The following PPFIA1 variants were observed in gnomAD, a reference collection of about 807,000 sequenced individuals.
PPFIA1 encodes the protein liprin-alpha-1.
PPFIA1 carries 25 observed loss-of-function variants against 149.9 expected under a neutral mutation model. That is an observed-to-expected ratio of 0.17 (90% CI 0.12 to 0.23). The LOEUF is 0.23. PPFIA1 is among the 10% of genes least tolerant of loss of function. PPFIA1 has a pLI of 1.00. For synonymous variants in PPFIA1, 549 were observed against 552.8 expected, an observed-to-expected ratio of 0.99 and a Z score of 0.10; for missense variants, 1,362 against 1,506.5, an observed-to-expected ratio of 0.90 and a Z score of 1.59.
At chr11:70,300,606 C>T (rs1403017514) in intron 2 of PPFIA1, among the ~76,000 whole-genome samples, 1 of 151,018 alleles carries the variant, frequency 6.6e-6, no homozygotes, top group Non-Finnish European at 1.5e-5. Context: ...GTGATCTCGG[C>T]CCTCTGCCAG....
At chr11:70,380,667 A>C (rs1466987942) in intron 26 of PPFIA1, among the ~76,000 whole-genome samples, 1 of 150,976 alleles carries the variant, frequency 6.6e-6, no homozygotes, top group Non-Finnish European at 1.5e-5. Context: ...CCTGGGAGGC[A>C]GAGGTTGCAG....
intron 2 of PPFIA1, among the ~76,000 whole-genome samples, chr11:70,285,009 A>G (rs2051012104): frequency 6.6e-6 from 1 of 151,978 alleles, no homozygotes; most frequent in African/African-American, 2.4e-5. Flanking sequence ...TTATTTATTT[A>G]TGTATTTCTT....
chr11:70,351,080 C>T, intron 16 of PPFIA1: 1 of 954,452 alleles, frequency 1.0e-6, no homozygotes, highest in Non-Finnish European at 1.4e-6. Flanking sequence ...TTGAAGAGTA[C>T]CTATCATATT....
At chr11:70,278,358 T>G (rs2050544732) in intron 2 of PPFIA1, among the ~76,000 whole-genome samples, 1 of 152,198 alleles carries the variant, frequency 6.6e-6, no homozygotes, top group Non-Finnish European at 1.5e-5. Context: ...TGAAGGATGA[T>G]TTTGCTGGGT....
intron 15 of PPFIA1, among the ~76,000 whole-genome samples, chr11:70,347,904 G>C (rs1325825103): frequency 1.3e-5 from 2 of 152,220 alleles, no homozygotes; most frequent in Non-Finnish European, 2.9e-5. Flanking sequence ...TCAGGAGGCT[G>C]AGGCAGGAGA....
intron 2 of PPFIA1, among the ~76,000 whole-genome samples, chr11:70,314,111 G>T (rs2053452205): frequency 6.6e-6 from 1 of 152,236 alleles, no homozygotes; most frequent in South Asian, 2.1e-4. Context: ...ACACTGCATA[G>T]GGTGAGCAGC....
chr11:70,354,588 T>C (rs2056255132), intron 17 of PPFIA1, 136 bp downstream of exon 17: 1 of 990,752 alleles, frequency 1.0e-6, no homozygotes, highest in Admixed American at 2.9e-5. Context: ...TGTATTTACA[T>C]GTTACACTTA....
intron 2 of PPFIA1, among the ~76,000 whole-genome samples, chr11:70,284,751 G>A (rs910217884): frequency 6.6e-6 from 1 of 152,140 alleles, no homozygotes; most frequent in South Asian, 2.1e-4. Context: ...CTTGAGCAAA[G>A]GCCAGAGCAA....
intron 4 of PPFIA1, 147 bp downstream of exon 4, chr11:70,325,158 A>C: frequency 1.3e-6 from 1 of 744,066 alleles, no homozygotes; most frequent in East Asian, 3.0e-5. Flanking sequence ...AGGTTTAAAA[A>C]GTACTAATTG....
At chr11:70,368,508 G>C (rs1488637957) in intron 21 of PPFIA1, among the ~76,000 whole-genome samples, 1 of 152,102 alleles carries the variant, frequency 6.6e-6, no homozygotes, top group Non-Finnish European at 1.5e-5. Context: ...CAGACTTCAG[G>C]TACCTCGGGT....
intron 2 of PPFIA1, among the ~76,000 whole-genome samples, chr11:70,302,154 A>AG (rs1565366611): frequency 6.6e-6 from 1 of 152,144 alleles, no homozygotes; most frequent in Admixed American, 6.5e-5. Context: ...TTCCCAGAGG[A>AG]GGGGGAATGG....
chr11:70,316,727 C>T lies in PPFIA1; in HGVS notation c.265-7675C>T, dbSNP rs529681254. The stretch of plus-strand genomic sequence containing the variant: ...GGCTCTGCTGCCCCTTTTCCACTGG[C>T]GATAGGGCTACTTCAAGCCATCGGA... On this transcript the variant is annotated intron_variant, in intron 2 of 27. Coordinates refer to ENST00000253925, the MANE Select transcript of PPFIA1 (RefSeq NM_003626.5). Among the ~76,000 whole-genome samples the T allele has an allele frequency of 2.6e-5, 4 of 152,316 alleles. No individual in the cohort carries two copies. In the South Asian group the frequency reaches 6.2e-4, roughly 24 times the overall value.
intron 2 of PPFIA1, among the ~76,000 whole-genome samples, chr11:70,276,423 T>G (rs1209299372): frequency 6.6e-6 from 1 of 152,174 alleles, no homozygotes; most frequent in African/African-American, 2.4e-5. Flanking sequence ...TGGATTATAT[T>G]TGGTAGTATT....
chr11:70,316,229 G>A (rs866465544), intron 2 of PPFIA1, among the ~76,000 whole-genome samples: 1 of 151,970 alleles, frequency 6.6e-6, no homozygotes, highest in African/African-American at 2.4e-5. Context: ...GCACCACCAC[G>A]CCTGGCTAAT....
chr11:70,356,759 A>T (rs1187829004), intron 19 of PPFIA1, among the ~76,000 whole-genome samples: 1 of 152,194 alleles, frequency 6.6e-6, no homozygotes, highest in Non-Finnish European at 1.5e-5. Context: ...AGCATTCAGG[A>T]TTTGCTCTTC....
At chr11:70,345,962 C>T (rs1483725604) in intron 15 of PPFIA1, 7 of 455,102 alleles carry the variant, frequency 1.5e-5, no homozygotes, top group Non-Finnish European at 2.7e-5. Context: ...CTCCAGTGTT[C>T]CTTTCCCTGT....
At chr11:70,316,123 G>A (rs1283492771) in intron 2 of PPFIA1, among the ~76,000 whole-genome samples, 1 of 151,792 alleles carries the variant, frequency 6.6e-6, no homozygotes, top group Non-Finnish European at 1.5e-5. Flanking sequence ...CCAGGCTGGA[G>A]TGCAGTGGCG....
At chr11:70,342,752 A>G (rs2055412325) in intron 14 of PPFIA1, among the ~76,000 whole-genome samples, 1 of 152,034 alleles carries the variant, frequency 6.6e-6, no homozygotes, top group Non-Finnish European at 1.5e-5. Flanking sequence ...GTATAATTGG[A>G]GTAAGGTGTA....
chr11:70,332,929 G>C (rs1000806519), intron 9 of PPFIA1: 13 of 427,038 alleles, frequency 3.0e-5, no homozygotes, highest in South Asian at 2.1e-4. Context: ...GCTAACAGCT[G>C]TAAGAACCTA....
Sources: gnomAD v4.1 joint callset for allele counts (sites outside exome capture counted in the v4.1 genomes callset) on GRCh38, gnomAD v4.1.1 for gene constraint, MANE v1.5 for transcripts, NCBI Gene and HGNC (gene_info 2026-07-23, HGNC 2026-07-21) for gene names.